Variants in AGBL1 observed in about 807,000 individuals in gnomAD.
The protein encoded by AGBL1 is cytosolic carboxypeptidase 4.
In AGBL1, 130 loss-of-function variants were observed where a neutral mutation model predicts 118.9. That is an observed-to-expected ratio of 1.09 (90% CI 0.95 to 1.26). AGBL1 has a LOEUF of 1.26. AGBL1 is among the 50% of genes most tolerant of loss of function. AGBL1 has a pLI of 0.00. For synonymous variants in AGBL1, 555 were observed against 478.9 expected (o/e 1.16, Z -2.08); for missense variants, 1,584 against 1,298.1 (o/e 1.22, Z -3.38).
intron 18 of AGBL1, among the ~76,000 whole-genome samples, chr15:86,403,122 C>T (rs1424880216): frequency 2.0e-5 from 3 of 152,028 alleles, no homozygotes; most frequent in Non-Finnish European, 4.4e-5. Context: ...GATTCCTGAA[C>T]TGCATTAAAG....
At chr15:86,746,131 A>G (rs2077753169) in intron 22 of AGBL1, among the ~76,000 whole-genome samples, 1 of 151,964 alleles carries the variant, frequency 6.6e-6, no homozygotes, top group Non-Finnish European at 1.5e-5. Flanking sequence ...TCTGTTCACC[A>G]CACTGTAGCC....
chr15:86,430,994 T>G (rs1018191402), intron 18 of AGBL1, among the ~76,000 whole-genome samples: 7 of 152,208 alleles, frequency 4.6e-5, no homozygotes, highest in African/African-American at 1.7e-4. Flanking sequence ...GACTCAGAGA[T>G]GGTAAGTAAC....
chr15:86,211,283 A>G (rs931114769), intron 5 of AGBL1, among the ~76,000 whole-genome samples: 15 of 152,308 alleles, frequency 9.8e-5, no homozygotes, highest in South Asian at 2.1e-4. Context: ...CAGTTAGGCT[A>G]CACAGGGGTC....
chr15:86,160,068 G>C (rs1258756435), intron 5 of AGBL1, among the ~76,000 whole-genome samples: 4 of 146,608 alleles, frequency 2.7e-5, no homozygotes, highest in Non-Finnish European at 4.5e-5. Context: ...AGTATACCCT[G>C]ATCCAAAATT....
chr15:86,852,318 G>T (rs1466463975), intron 22 of AGBL1, among the ~76,000 whole-genome samples: 1 of 152,100 alleles, frequency 6.6e-6, no homozygotes, highest in Non-Finnish European at 1.5e-5. Flanking sequence ...GGGGGAAACT[G>T]CTCCCACGAT....
chr15:86,340,465 A>C (rs904788968), intron 17 of AGBL1, among the ~76,000 whole-genome samples: 3 of 152,174 alleles, frequency 2.0e-5, no homozygotes, highest in African/African-American at 7.2e-5. Context: ...ATACAAAAAG[A>C]CACAGGGAAG....
chr15:86,325,633 C>T (rs2080172250), intron 17 of AGBL1, among the ~76,000 whole-genome samples: 2 of 152,134 alleles, frequency 1.3e-5, no homozygotes, highest in Admixed American at 1.3e-4. Flanking sequence ...CTCCACAGCC[C>T]AATCAATATC....
At chr15:86,657,230 C>T (rs1290270688) in intron 21 of AGBL1, among the ~76,000 whole-genome samples, 1 of 152,180 alleles carries the variant, frequency 6.6e-6, no homozygotes, top group Non-Finnish European at 1.5e-5. Context: ...TGGGACAATG[C>T]CAACTGTACA....
intron 17 of AGBL1, among the ~76,000 whole-genome samples, chr15:86,328,516 T>C (rs1311308454): frequency 1.3e-5 from 2 of 152,072 alleles, no homozygotes; most frequent in African/African-American, 4.8e-5. Flanking sequence ...CACTTGGAAA[T>C]AGAATGATAG....
chr15:86,842,244 C>T (rs115145772), intron 22 of AGBL1, among the ~76,000 whole-genome samples: 1,560 of 151,852 alleles, frequency 0.01, 26 homozygotes, highest in African/African-American at 0.036. Flanking sequence ...TGCAACTTCA[C>T]CTGCCTTGAG....
chr15:86,548,304 G>A (rs774588224), intron 20 of AGBL1, among the ~76,000 whole-genome samples: 7 of 152,062 alleles, frequency 4.6e-5, no homozygotes, highest in Non-Finnish European at 1.0e-4. Context: ...TTGAAGAGAC[G>A]ATTATACACC....
downstream of AGBL1, among the ~76,000 whole-genome samples, chr15:86,918,875 G>T (rs796346073): frequency 6.6e-6 from 1 of 152,214 alleles, no homozygotes; most frequent in African/African-American, 2.4e-5. Context: ...AATCGGGTCT[G>T]GATTGGGATC....
At chr15:86,511,929 T>C (rs935871353) in intron 18 of AGBL1, among the ~76,000 whole-genome samples, 1 of 152,032 alleles carries the variant, frequency 6.6e-6, no homozygotes, top group African/African-American at 2.4e-5. Context: ...TAAATAAATG[T>C]AGAGAATAAT....
At chr15:86,329,774 A>G (rs2141859731) in intron 17 of AGBL1, among the ~76,000 whole-genome samples, 1 of 152,254 alleles carries the variant, frequency 6.6e-6, no homozygotes, top group Non-Finnish European at 1.5e-5. Flanking sequence ...TCTATGCTTC[A>G]TGCCCAGGCA....
chr15:86,767,245 T>G (rs2078108961), intron 22 of AGBL1, among the ~76,000 whole-genome samples: 1 of 151,922 alleles, frequency 6.6e-6, no homozygotes, highest in Non-Finnish European at 1.5e-5. Context: ...TAACCTCCGG[T>G]CATCACTCTA....
At position 86,654,655 on chromosome 15, in the gene AGBL1, G is replaced by A. The variant is rs541449847; in HGVS notation, c.2995-19618G>A. ...GGTGGATGGCAGGTGTCAGGGTAACGTGTTGGCATCCCCTTTTGTTTCAAA... is the reference window on the plus strand; with the variant it reads ...GGTGGATGGCAGGTGTCAGGGTAACATGTTGGCATCCCCTTTTGTTTCAAA... On this transcript the variant is annotated intron_variant, in intron 21 of 22. Coordinates refer to ENST00000614907, the MANE Select transcript of AGBL1 (RefSeq NM_001386094.1). 5.3e-5 allele frequency among the ~76,000 whole-genome samples: 8 copies of A among 152,160 alleles called. No homozygotes were observed. In the South Asian group the frequency reaches 6.2e-4, roughly 12 times the overall value.
rs148606638 is a variant in AGBL1, at chr15:86,627,764, A to G, written c.2995-46509A>G. ...GAAGAGAGAGTTCCTTGAAGAAAGC[A>G]GCAGGGTCAGTAGTGGCAGGGACCT... is the stretch of plus-strand genomic sequence containing the variant. On this transcript the variant is annotated intron_variant, in intron 21 of 22. Transcript: ENST00000614907. 2.9e-3 allele frequency among the ~76,000 whole-genome samples: 446 copies of G among 152,360 alleles called. 3 individuals are homozygous for G. The highest frequency in any genetic ancestry group is 0.01 in the African/African-American group (427 of 41,580).
At chr15:86,249,744 A>C (rs145866007) in intron 7 of AGBL1, among the ~76,000 whole-genome samples, 1 of 152,206 alleles carries the variant, frequency 6.6e-6, no homozygotes, top group Non-Finnish European at 1.5e-5. Flanking sequence ...TGTGCTAAAA[A>C]ACCAACCAAA....
At chr15:87,008,508 C>G (rs2081526371) in intron 24 of AGBL1, among the ~76,000 whole-genome samples, 1 of 152,116 alleles carries the variant, frequency 6.6e-6, no homozygotes, top group Admixed American at 6.6e-5. Context: ...ACTTTATCAG[C>G]AGTATGAAAA....
Sources: allele counts gnomAD v4.1 joint callset (sites outside exome capture counted in the v4.1 genomes callset), GRCh38; gene constraint gnomAD v4.1.1; transcripts MANE v1.5; gene names NCBI Gene and HGNC (gene_info 2026-07-23, HGNC 2026-07-21).